Variants in DCDC1 observed in about 807,000 individuals in gnomAD.
DCDC1 encodes doublecortin domain-containing protein 1.
A neutral mutation model predicts 178.3 loss-of-function variants in DCDC1; 200 were observed. The ratio of observed to expected loss-of-function variants is 1.12; its 90% CI spans 1.00 to 1.26. The LOEUF (loss-of-function observed/expected upper bound fraction) is 1.26. DCDC1 is among the 50% of genes most tolerant of loss of function. The pLI is 0.00. For synonymous variants in DCDC1, 690 were observed against 604.8 expected (o/e 1.14, Z -2.07); for missense variants, 1,983 against 1,749.2 (o/e 1.13, Z -2.38).
chr11:30,960,669 G>A (rs965629082), intron 20 of DCDC1, among the ~76,000 whole-genome samples: 5 of 152,032 alleles, frequency 3.3e-5, no homozygotes, highest in Non-Finnish European at 7.4e-5. Flanking sequence ...ATATTTCCAT[G>A]TTTTTCTTCA....
intron 4 of DCDC1, 112 bp from the exon 5 acceptor site, chr11:31,306,500 T>G (rs1466023252): frequency 8.7e-7 from 1 of 1,148,538 alleles, no homozygotes; most frequent in East Asian, 2.9e-5. Flanking sequence ...ATTGTTCCTA[T>G]GTATATAAGT....
intron 15 of DCDC1, among the ~76,000 whole-genome samples, chr11:31,101,236 T>C (rs1050342790): frequency 2.0e-5 from 3 of 152,188 alleles, no homozygotes; most frequent in Admixed American, 6.5e-5. Context: ...ATTTCATGTG[T>C]TCAAAAATTA....
At chr11:31,189,155 G>A (rs1392131743) in intron 9 of DCDC1, among the ~76,000 whole-genome samples, 2 of 152,052 alleles carry the variant, frequency 1.3e-5, no homozygotes, top group South Asian at 4.1e-4. Flanking sequence ...TTATAGCGGC[G>A]CAAATGTACT....
chr11:30,959,119 A>G (rs1455224539), intron 20 of DCDC1, among the ~76,000 whole-genome samples: 1 of 152,136 alleles, frequency 6.6e-6, no homozygotes, highest in Non-Finnish European at 1.5e-5. Flanking sequence ...GATGCCTTCC[A>G]ATCAGAGTCT....
chr11:31,332,685 G>A (rs2133133159), intron 2 of DCDC1, among the ~76,000 whole-genome samples: 1 of 152,262 alleles, frequency 6.6e-6, no homozygotes, highest in East Asian at 1.9e-4. Flanking sequence ...GGAGTTGTGT[G>A]GTTTTGAGTG....
At chr11:31,149,020 C>T (rs952592140) in intron 9 of DCDC1, among the ~76,000 whole-genome samples, 6 of 152,134 alleles carry the variant, frequency 3.9e-5, no homozygotes, top group African/African-American at 1.2e-4. Context: ...TGAGTTACCT[C>T]ACTTAGAATA....
At chr11:31,364,511 T>G (rs1014299480) in intron 1 of DCDC1, among the ~76,000 whole-genome samples, 2 of 152,112 alleles carry the variant, frequency 1.3e-5, no homozygotes, top group Non-Finnish European at 2.9e-5. Flanking sequence ...AACATAAATC[T>G]CAGATAAGAT....
At chr11:30,909,959 A>G (rs77486656) in intron 28 of DCDC1, among the ~76,000 whole-genome samples, 2,734 of 152,320 alleles carry the variant, frequency 0.018, 86 homozygotes, top group African/African-American at 0.063. Flanking sequence ...CATCTACTTT[A>G]CCAAGCGAGA....
rs76376449 is a variant in DCDC1, at chr11:31,010,451, G to T, written c.2591+54018C>A. ...CAGGCAGTTCACATTATAGCAGTTT[G>T]CCCCTTTAAGGCCAGTAGGAAAGTG... On this transcript the variant is annotated intron_variant, in intron 20 of 38. Transcript: ENST00000684477. Among the ~76,000 whole-genome samples the T allele has an allele frequency of 5.2e-3, 798 of 152,310 alleles. 4 individuals carry two copies. Among genetic ancestry groups the T allele is most frequent in the Middle Eastern group, 0.034 (10 of 294 alleles).
In DCDC1 at chr11:31,077,928, G is replaced by A. The variant is rs751171861; in HGVS notation, c.2238-3C>T. 2 of 765,826 alleles carry A rather than the reference G, an allele frequency of 2.6e-6. No individual in the cohort carries two copies. Among genetic ancestry groups the A allele is most frequent in the Non-Finnish European group, 2.4e-6 (1 of 417,662 alleles). 47.4% of individuals were successfully genotyped at this position (765,826 alleles called of 1,614,324 possible). On this transcript the variant is annotated splice_polypyrimidine_tract_variant and splice_region_variant and intron_variant, in intron 17 of 38. Coordinates refer to ENST00000684477, the MANE Select transcript of DCDC1 (RefSeq NM_001387274.1). The stretch of plus-strand genomic sequence containing the variant: ...TCTGAGAGTCATCTCCACTATGTCT[G>A]TAACGAAAATGTAATTTAGAGATTG...
At chr11:31,038,104 G>A (rs1215685315) in intron 20 of DCDC1, among the ~76,000 whole-genome samples, 1 of 150,442 alleles carries the variant, frequency 6.6e-6, no homozygotes, top group Non-Finnish European at 1.5e-5. Flanking sequence ...AGCATTAGGA[G>A]ATATTCCTAA....
chr11:31,166,237 C>G (rs1420331575), intron 9 of DCDC1, among the ~76,000 whole-genome samples: 1 of 152,142 alleles, frequency 6.6e-6, no homozygotes, highest in African/African-American at 2.4e-5. Flanking sequence ...CATTATTTCT[C>G]TCTCAAGTTT....
At chr11:30,990,800 C>T (rs912978233) in intron 20 of DCDC1, among the ~76,000 whole-genome samples, 6 of 152,114 alleles carry the variant, frequency 3.9e-5, no homozygotes, top group African/African-American at 1.4e-4. Context: ...TTAGTAAAGA[C>T]GTGACATGAA....
At chr11:30,964,554 A>C (rs912019074) in intron 20 of DCDC1, among the ~76,000 whole-genome samples, 1 of 152,112 alleles carries the variant, frequency 6.6e-6, no homozygotes, top group African/African-American at 2.4e-5. Flanking sequence ...ACTCCCTCAG[A>C]GGTCATTGCT....
chr11:31,213,267 T>TTCCTATTG (rs1973039156), intron 9 of DCDC1, among the ~76,000 whole-genome samples: 1 of 151,516 alleles, frequency 6.6e-6, no homozygotes, highest in South Asian at 2.1e-4. Flanking sequence ...AGGGTCTATT[T>TTCCTATTG]TCGCCTCATG....
At chr11:31,283,365 GTT>G (rs71060484) in intron 7 of DCDC1, among the ~76,000 whole-genome samples, 6 of 147,772 alleles carry the variant, frequency 4.1e-5, no homozygotes, top group South Asian at 2.1e-4. Flanking sequence ...TTAAACCCAG[GTT>G]TTTTTTTTTG....
intron 10 of DCDC1, among the ~76,000 whole-genome samples, chr11:31,134,241 C>T (rs1962831663): frequency 6.6e-6 from 1 of 152,170 alleles, no homozygotes; most frequent in African/African-American, 2.4e-5. Context: ...AGGATGATGT[C>T]AATTATACCT....
intron 20 of DCDC1, among the ~76,000 whole-genome samples, chr11:31,034,271 A>T (rs1475218148): frequency 1.4e-5 from 2 of 146,806 alleles, no homozygotes; most frequent in African/African-American, 2.6e-5. Context: ...AAAGAGTCAA[A>T]GTTAAAAAAA....
chr11:31,145,062 T>C (rs1037351348), intron 9 of DCDC1, among the ~76,000 whole-genome samples: 4 of 152,224 alleles, frequency 2.6e-5, no homozygotes. Context: ...CAACATGTTC[T>C]TCTAAAGTGA....
Sources: gnomAD v4.1 joint callset for allele counts (sites outside exome capture counted in the v4.1 genomes callset) on GRCh38, gnomAD v4.1.1 for gene constraint, MANE v1.5 for transcripts, NCBI Gene and HGNC (gene_info 2026-07-23, HGNC 2026-07-21) for gene names.